The following ATP10D variants were observed in gnomAD, a reference collection of about 807,000 sequenced individuals.
The protein encoded by ATP10D is ATPase phospholipid transporting 10D (putative), also known as phospholipid-transporting ATPase VD.
ATP10D carries 89 observed loss-of-function variants against 144.8 expected under a neutral mutation model. The ratio of observed to expected loss-of-function variants is 0.61; its 90% CI spans 0.52 to 0.73. The LOEUF is 0.73. ATP10D is among the 30% of genes least tolerant of loss of function. The pLI is 0.00. For synonymous variants in ATP10D, 571 were observed against 615.1 expected (o/e 0.93, Z 1.06); for missense variants, 1,603 against 1,714.8 (o/e 0.93, Z 1.15).
intron 1 of ATP10D, among the ~76,000 whole-genome samples, chr4:47,500,533 A>G (rs980570583): frequency 6.6e-6 from 1 of 152,238 alleles, no homozygotes; most frequent in Non-Finnish European, 1.5e-5. Flanking sequence ...GCGGACTGAC[A>G]TGATGTGAGT....
Position 47,512,825 on chromosome 4 carries a change from T to A in ATP10D, c.285T>A (p.Phe95Leu), listed in dbSNP as rs1438407498. Residue 95 changes from phenylalanine (F) to leucine (L), a missense_variant, in exon 2 of 23, where the codon TTT (phenylalanine) becomes TTA (leucine). Phe to Leu is a conservative substitution (Grantham distance 22). Coordinates refer to ENST00000273859, the MANE Select transcript of ATP10D (RefSeq NM_020453.4). ...TGCCAAGAAATTTATTTGAACAATT[T>A]CACAGGTACTGTTTTATTTTTGAAG... is the stretch of plus-strand genomic sequence containing the variant. ...NFVPRNLFEQFHRAANLYFLF... is the reference protein window; with the variant it reads ...NFVPRNLFEQLHRAANLYFLF... 3.8e-6 allele frequency: 6 copies of A among 1,599,208 alleles called. No individual in the cohort carries two copies. The highest frequency in any genetic ancestry group is 5.1e-6 in the Non-Finnish European group (6 of 1,168,572).
chr4:47,581,154 T>A (rs979135337), intron 20 of ATP10D, among the ~76,000 whole-genome samples: 1 of 152,190 alleles, frequency 6.6e-6, no homozygotes, highest in Non-Finnish European at 1.5e-5. Context: ...AGCATTAAAT[T>A]TGAGATTCCA....
At chr4:47,511,809 T>C (rs552750201) in intron 1 of ATP10D, among the ~76,000 whole-genome samples, 22 of 152,346 alleles carry the variant, frequency 1.4e-4, no homozygotes, top group African/African-American at 5.3e-4. Context: ...TATGTATTTA[T>C]AGAGGCTATG....
At position 47,555,012 on chromosome 4, in the gene ATP10D, T is replaced by G. The variant is rs1191694336; in HGVS notation, c.1824+98T>G. The G allele has an allele frequency of 3.0e-6, 3 of 1,010,584 alleles. No homozygotes were observed. The African/African-American group carries it at 4.9e-5, about 16-fold the overall frequency. The allele number at this position is 1,010,584 out of a possible 1,614,324, so 62.6% of individuals were successfully genotyped here. A position where few individuals can be genotyped will look rare whatever the true frequency, so the allele number is the denominator to read the frequency against. On this transcript the variant is annotated intron_variant, in intron 11 of 22. Transcript: ENST00000273859. ...GAGCTTGATATATGGATAAAAATGA[T>G]AAATAATAGTAGCTGTATAACACTG...
Position 47,591,185 on chromosome 4 carries a change from A to G in ATP10D, c.4085A>G (p.Lys1362Arg). 1 of 1,613,646 alleles carries G rather than the reference A, an allele frequency of 6.2e-7. No homozygotes were observed. Among genetic ancestry groups the G allele is most frequent in the Non-Finnish European group, 8.5e-7 (1 of 1,179,648 alleles). Reference sequence around the variant, plus strand: ...GGAAAGATGAATCAAGTGACATCAAAGTATGCTAACCAATCAGCTGGCAAG... The same window carrying G: ...GGAAAGATGAATCAAGTGACATCAAGGTATGCTAACCAATCAGCTGGCAAG... ...GAGKMNQVTSKYANQSAGKSG... is the reference protein window; with the variant it reads ...GAGKMNQVTSRYANQSAGKSG... Residue 1362 changes from lysine (K) to arginine (R), a missense_variant, in exon 23 of 23, where the codon AAG becomes AGG. Lys to Arg is a conservative substitution (Grantham distance 26, BLOSUM62 2). Transcript: ENST00000273859.
At chr4:47,541,679 C>T (rs765463032) in intron 9 of ATP10D, among the ~76,000 whole-genome samples, 26 of 152,140 alleles carry the variant, frequency 1.7e-4, no homozygotes, top group Admixed American at 3.3e-4. Context: ...ACCTTTGTTT[C>T]GGGCCCTTTG....
At chr4:47,520,661 C>T (rs953025094) in intron 3 of ATP10D, among the ~76,000 whole-genome samples, 11 of 152,024 alleles carry the variant, frequency 7.2e-5, no homozygotes, top group East Asian at 1.9e-4. Flanking sequence ...CTCCACCTCC[C>T]GGGTTCAAGC....
Position 47,562,542 on chromosome 4 carries a change from C to G in ATP10D, c.2669-1039C>G, listed in dbSNP as rs144364664. 1.1e-3 allele frequency among the ~76,000 whole-genome samples: 160 copies of G among 152,240 alleles called. 3 individuals carry two copies. Among genetic ancestry groups the G allele is most frequent in the African/African-American group, 3.8e-3 (158 of 41,552 alleles). ...TGTCTGTTAAAACGTCAGAAGACAA[C>G]AGATGTTGGCAAGGATGCAGAGAAA... On this transcript the variant is annotated intron_variant, in intron 14 of 22. Coordinates refer to ENST00000273859, the MANE Select transcript of ATP10D (RefSeq NM_020453.4).
In ATP10D at chr4:47,572,016, T is replaced by C. The variant is rs572442440; in HGVS notation, c.3164-138T>C. The C allele has an allele frequency of 1.4e-5, 11 of 762,562 alleles. No homozygotes were observed. The East Asian group carries it at 2.8e-4, about 19-fold the overall frequency. The allele number at this position is 762,562 out of a possible 1,614,324, so 47.2% of individuals were successfully genotyped here. Reference sequence around the variant, plus strand: ...GATGCCACTTCATTTCTGTTTCACTTACTTCCAGGAAACTTGGAGAACGGG... The same window carrying C: ...GATGCCACTTCATTTCTGTTTCACTCACTTCCAGGAAACTTGGAGAACGGG... On this transcript the variant is annotated intron_variant, in intron 16 of 22. Coordinates refer to ENST00000273859, the MANE Select transcript of ATP10D (RefSeq NM_020453.4).
At chr4:47,506,584 AC>A (rs1716029835) in intron 1 of ATP10D, among the ~76,000 whole-genome samples, 1 of 152,236 alleles carries the variant, frequency 6.6e-6, no homozygotes, top group Non-Finnish European at 1.5e-5. Context: ...TAAAAGTAAT[AC>A]ATTTTCCTTC....
chr4:47,499,610 A>T (rs1715574448), intron 1 of ATP10D, among the ~76,000 whole-genome samples: 1 of 152,206 alleles, frequency 6.6e-6, no homozygotes, highest in African/African-American at 2.4e-5. Context: ...ATCACTATAA[A>T]GAATACGCTT....
intron 3 of ATP10D, among the ~76,000 whole-genome samples, chr4:47,521,616 C>T (rs985740296): frequency 6.6e-6 from 1 of 152,170 alleles, no homozygotes; most frequent in Admixed American, 6.5e-5. Flanking sequence ...CCTTCTTTGT[C>T]TGGACCTTTA....
At chr4:47,531,058 A>C (rs1038737065) in intron 5 of ATP10D, among the ~76,000 whole-genome samples, 2 of 151,236 alleles carry the variant, frequency 1.3e-5, no homozygotes, top group African/African-American at 2.4e-5. Context: ...GACTTGTTGG[A>C]ATAGTTTCCG....
chr4:47,567,059 C>A (rs1305650189), intron 15 of ATP10D, among the ~76,000 whole-genome samples: 1 of 152,112 alleles, frequency 6.6e-6, no homozygotes, highest in African/African-American at 2.4e-5. Context: ...GACTTTGCTA[C>A]AGTTTGAGAA....
intron 1 of ATP10D, 94 bp from the exon 2 acceptor site, chr4:47,512,410 A>G (rs928023917): frequency 1.3e-6 from 1 of 786,302 alleles, no homozygotes; most frequent in Non-Finnish European, 2.0e-6. Context: ...CCATTGGGTC[A>G]TATATTTATT....
chr4:47,561,824 C>T (rs925371116), intron 14 of ATP10D, among the ~76,000 whole-genome samples: 2 of 152,140 alleles, frequency 1.3e-5, no homozygotes, highest in Admixed American at 6.5e-5. Flanking sequence ...ATGCTAAAGG[C>T]GGTCAAGTTT....
At chr4:47,547,007 A>G in intron 10 of ATP10D, 145 bp downstream of exon 10, 1 of 707,168 alleles carries the variant, frequency 1.4e-6, no homozygotes, top group South Asian at 1.9e-5. Context: ...ATCACCACAC[A>G]TAATTAGAAG....
intron 3 of ATP10D, among the ~76,000 whole-genome samples, chr4:47,522,425 A>G (rs1196110077): frequency 6.6e-6 from 1 of 152,192 alleles, no homozygotes; most frequent in Non-Finnish European, 1.5e-5. Flanking sequence ...TTTATTCCAG[A>G]GTTAGACTCA....
chr4:47,569,550 C>A (rs1289860311), intron 16 of ATP10D, among the ~76,000 whole-genome samples: 1 of 151,948 alleles, frequency 6.6e-6, no homozygotes, highest in Non-Finnish European at 1.5e-5. Flanking sequence ...CTTTTTTGTA[C>A]CAGGCATTTT....
Sources: allele counts gnomAD v4.1 joint callset (sites outside exome capture counted in the v4.1 genomes callset), GRCh38; gene constraint gnomAD v4.1.1; transcripts MANE v1.5; gene names NCBI Gene and HGNC (gene_info 2026-07-23, HGNC 2026-07-21).